Variants in ANPEP observed in about 807,000 individuals in gnomAD.
ANPEP encodes the protein aminopeptidase N.
ANPEP carries 70 observed loss-of-function variants against 114.6 expected under a neutral mutation model. That is an observed-to-expected ratio of 0.61 (90% CI 0.50 to 0.75). The LOEUF (loss-of-function observed/expected upper bound fraction) is 0.75. Ranked by LOEUF, ANPEP falls within the 30% of genes least tolerant of loss-of-function variation. ANPEP has a pLI of 0.00. For missense variants in ANPEP, 1,184 were observed against 1,259.5 expected (o/e 0.94, Z 0.91); for synonymous variants, 548 against 522.3 (o/e 1.05, Z -0.67).
chr15:89,798,124 A>T (rs1968765096), intron 14 of ANPEP, among the ~76,000 whole-genome samples: 2 of 152,152 alleles, frequency 1.3e-5, no homozygotes, highest in African/African-American at 4.8e-5. Context: ...CTTTCTGGGC[A>T]CTCTAGGCCT....
Position 89,803,854 on chromosome 15 carries a change from GC to G in ANPEP, c.1293+34del, listed in dbSNP as rs769166534. On this transcript the variant is annotated intron_variant, in intron 7 of 20. Transcript: ENST00000300060. The surrounding 1 kb of genome is among the most constrained non-coding windows in gnomAD (Gnocchi z 4.2). ...AGCGGTGGCCCAGGTCTCCCTCCAT[GC>G]CCCCCGCACCAGACCCCTGGGCAGC... The G allele has an allele frequency of 6.8e-6, 11 of 1,613,556 alleles. No individual in the cohort carries two copies. Among genetic ancestry groups the G allele is most frequent in the African/African-American group, 1.3e-5 (1 of 74,886 alleles).
chr15:89,808,364 G>C (rs1358366691), intron 1 of ANPEP, among the ~76,000 whole-genome samples: 1 of 152,222 alleles, frequency 6.6e-6, no homozygotes, highest in Non-Finnish European at 1.5e-5. Flanking sequence ...CAAAGCCCCA[G>C]AACTCAGCGT....
intron 15 of ANPEP, among the ~76,000 whole-genome samples, chr15:89,795,782 G>A (rs920334466): frequency 3.3e-5 from 5 of 152,200 alleles, no homozygotes; most frequent in African/African-American, 1.2e-4. Flanking sequence ...CCTGGAAGAT[G>A]TATTCCCCTA....
intron 11 of ANPEP, 37 bp downstream of exon 11, chr15:89,801,398 C>T (rs374604292): frequency 9.3e-6 from 15 of 1,609,674 alleles, no homozygotes; most frequent in Non-Finnish European, 6.8e-6. Context: ...CTCTACCCCA[C>T]CCACCTGACC....
intron 20 of ANPEP, among the ~76,000 whole-genome samples, chr15:89,788,519 T>C (rs1968546698): frequency 6.6e-6 from 1 of 152,202 alleles, no homozygotes; most frequent in South Asian, 2.1e-4. Flanking sequence ...AGGTTTTTTT[T>C]TGGCGTAATA....
chr15:89,805,002 C>A, intron 4 of ANPEP, 76 bp downstream of exon 4: 5 of 1,590,160 alleles, frequency 3.1e-6, no homozygotes, highest in Non-Finnish European at 4.3e-6. Context: ...GAAACTGGCA[C>A]AGGGATGAAG....
At chr15:89,800,591 C>T (rs181557752) in intron 12 of ANPEP, among the ~76,000 whole-genome samples, 223 of 112,714 alleles carry the variant, frequency 2.0e-3, no homozygotes, top group African/African-American at 7.5e-3. Flanking sequence ...GACAGAGTTT[C>T]GCTCTTGTTG....
chr15:89,812,104 G>C (rs1894826057), intron 1 of ANPEP, among the ~76,000 whole-genome samples: 1 of 152,320 alleles, frequency 6.6e-6, no homozygotes, highest in Admixed American at 6.5e-5. Flanking sequence ...AAGTGCAAGA[G>C]GCTTTCTACT....
intron 1 of ANPEP, among the ~76,000 whole-genome samples, chr15:89,809,081 G>A (rs116066888): frequency 3.9e-5 from 6 of 152,314 alleles, no homozygotes; most frequent in African/African-American, 9.6e-5. Flanking sequence ...AGGGGCAATC[G>A]TGCGAAATCA....
intron 15 of ANPEP, among the ~76,000 whole-genome samples, chr15:89,797,202 A>G (rs1968744779): frequency 6.6e-6 from 1 of 152,234 alleles, no homozygotes; most frequent in Non-Finnish European, 1.5e-5. Flanking sequence ...CACAGCTGGC[A>G]AAAGACAGGT....
chr15:89,792,198 T>G lies in ANPEP; in HGVS notation c.2490A>C (p.Ala830=). The G allele has an allele frequency of 6.2e-7, 1 of 1,614,252 alleles. No homozygotes were observed. The highest frequency in any genetic ancestry group is 8.5e-7 in the Non-Finnish European group (1 of 1,180,044). ...TLVNEADKLR[A]ALACSKELWI... ...ACAACTCTTTGCTGCAGGCCAGGGCTGCCCGGAGCTTGTCAGCCTCATTGA... is the reference window on the plus strand; with the variant it reads ...ACAACTCTTTGCTGCAGGCCAGGGCGGCCCGGAGCTTGTCAGCCTCATTGA... Residue 830 remains alanine (A), a synonymous_variant, in exon 18 of 21, where the codon GCA becomes GCC. Transcript: ENST00000300060.
intron 15 of ANPEP, among the ~76,000 whole-genome samples, chr15:89,794,357 G>A (rs1003298450): frequency 1.3e-5 from 2 of 151,972 alleles, no homozygotes; most frequent in African/African-American, 2.4e-5. Flanking sequence ...GGTGGCAGGC[G>A]CCTGTAATCC....
At chr15:89,792,062 G>A in intron 18 of ANPEP, 98 bp downstream of exon 18, 1 of 1,397,190 alleles carries the variant, frequency 7.2e-7, no homozygotes. Context: ...ACAGGTCTGT[G>A]GGGGTCACGT....
At chr15:89,792,982 C>G (rs1031671657) in intron 16 of ANPEP, 53 bp downstream of exon 16, 86 of 1,494,242 alleles carry the variant, frequency 5.8e-5, no homozygotes, top group Non-Finnish European at 7.2e-5. Flanking sequence ...GGATGTTGCT[C>G]TTGACTCCCC....
In ANPEP at chr15:89,803,414, C is replaced by T. The variant is rs200451419; in HGVS notation, c.1503+28G>A. On this transcript the variant is annotated intron_variant, in intron 9 of 20. Coordinates refer to ENST00000300060, the MANE Select transcript of ANPEP (RefSeq NM_001150.3). The surrounding 1 kb of genome is among the most constrained non-coding windows in gnomAD (Gnocchi z 4.2). ...CGAGGGGCAGAAGGAGACCCACCCT[C>T]ATGGCTGGCCCAGGGTGCAGTACTC... 1.3e-4 allele frequency: 214 copies of T among 1,610,792 alleles called. 1 individual carries two copies. The African/African-American group carries it at 2.6e-3, about 20-fold the overall frequency.
chr15:89,800,556 CTTTT>C (rs759889538), intron 12 of ANPEP, among the ~76,000 whole-genome samples: 39 of 124,362 alleles, frequency 3.1e-4, no homozygotes, highest in African/African-American at 1.2e-3. Flanking sequence ...GGATTCTCTC[CTTTT>C]TTTTTTTTTT....
chr15:89,788,369 CA>C (rs375648190), intron 20 of ANPEP, among the ~76,000 whole-genome samples: 51 of 152,226 alleles, frequency 3.4e-4, no homozygotes, highest in African/African-American at 1.2e-3. Flanking sequence ...CAGACAGACA[CA>C]AAAAGGCTGT....
rs756960671 is a variant in ANPEP at position 89,803,951 on chromosome 15, C to T, written c.1231G>A (p.Glu411Lys). 6.8e-6 allele frequency: 11 copies of T among 1,614,034 alleles called. No individual in the cohort carries two copies. The African/African-American group carries it at 1.1e-4, about 16-fold the overall frequency. Reference protein sequence around the residue: ...IEWWNDLWLNEGFASYVEYLG... With the variant: ...IEWWNDLWLNKGFASYVEYLG... ...TACTCCACGTAGGAGGCGAAGCCCT[C>T]GTTCAGCCACAGGTCATTCCACCAC... The change falls in exon 7 of 21, where the codon GAG (glutamate) becomes AAG (lysine). Residue 411 changes from glutamate to lysine, a missense_variant. Glu to Lys is a moderately conservative substitution (Grantham distance 56, BLOSUM62 1). Coordinates refer to ENST00000300060, the MANE Select transcript of ANPEP (RefSeq NM_001150.3). This position sits in a 1 kb window ranked among gnomAD's most constrained non-coding sequence, Gnocchi z 4.2.
intron 18 of ANPEP, among the ~76,000 whole-genome samples, chr15:89,791,696 A>G (rs28454285): frequency 0.31 from 46,984 of 150,388 alleles, 7,475 homozygotes; most frequent in African/African-American, 0.36. Flanking sequence ...CAGGTGATCC[A>G]TCCACCTCAG....
Sources: allele counts gnomAD v4.1 joint callset (sites outside exome capture counted in the v4.1 genomes callset), GRCh38; gene constraint gnomAD v4.1.1; non-coding constraint Gnocchi (gnomAD v3.1); transcripts MANE v1.5; gene names NCBI Gene and HGNC (gene_info 2026-07-23, HGNC 2026-07-21).